The following KIF26B variants were observed in gnomAD, a reference collection of about 807,000 sequenced individuals.
KIF26B encodes kinesin family member 26B.
Under a neutral mutation model 151.2 loss-of-function variants are expected in KIF26B, and 63 were observed. The ratio of observed to expected loss-of-function variants is 0.42; its 90% CI spans 0.34 to 0.51. KIF26B has a LOEUF of 0.51. Among genes scored for constraint, KIF26B ranks in the 20% least tolerant of loss-of-function variants. KIF26B has a pLI of 0.07. For synonymous variants in KIF26B, 1,357 were observed against 1,262.1 expected (o/e 1.08, Z -1.59); for missense variants, 2,813 against 2,913.6 (o/e 0.97, Z 0.79).
rs546913034 is a variant in KIF26B, at chr1:245,465,103, C to T, written c.1166+45358C>T. Among the ~76,000 whole-genome samples, 5 of 144,652 alleles carry T rather than the reference C, an allele frequency of 3.5e-5. No homozygotes were observed. In the South Asian group the frequency reaches 9.1e-4, roughly 26 times the overall value. 94.9% of individuals were successfully genotyped at this position (144,652 alleles called of 152,430 possible). On this transcript the variant is annotated intron_variant, in intron 4 of 14. Transcript: ENST00000407071. ...ACGCCATTCTCCTGCCTCAGCCTCC[C>T]GAGCAGCTGGGACTACAGGCGCCCG...
intron 2 of KIF26B, among the ~76,000 whole-genome samples, chr1:245,213,138 G>A (rs1441987641): frequency 6.6e-6 from 1 of 152,098 alleles, no homozygotes; most frequent in Non-Finnish European, 1.5e-5. Context: ...AACAATTTAG[G>A]TCAATCTTAG....
At chr1:245,339,659 G>A (rs1286825642) in intron 2 of KIF26B, among the ~76,000 whole-genome samples, 1 of 152,154 alleles carries the variant, frequency 6.6e-6, no homozygotes. Flanking sequence ...GTAATTTTTA[G>A]TATAGTCACA....
chr1:245,688,756 G>C lies in KIF26B; in HGVS notation c.5773G>C (p.Val1925Leu). The change falls in exon 12 of 15, where the codon GTG (valine) becomes CTG (leucine). Residue 1925 changes from valine (V) to leucine (L), a missense_variant. Transcript: ENST00000407071. ...CTCCACGAGCGAGAACAGCAGCTCC[G>C]TGGGCGGCAGGTGCCGGAGCCTCAA... ...QDSTSENSSS[V>L]GGRCRSLKTP... The C allele has an allele frequency of 1.2e-6, 2 of 1,600,648 alleles. No individual in the cohort carries two copies. The highest frequency in any genetic ancestry group is 1.7e-6 in the Non-Finnish European group (2 of 1,171,838).
chr1:245,702,402 A>AGTT lies in KIF26B; in HGVS notation c.6179-54_6179-52dup. On this transcript the variant is annotated intron_variant, in intron 14 of 14. Transcript: ENST00000407071. This position sits in a 1 kb window ranked among gnomAD's most constrained non-coding sequence, Gnocchi z 4.1. ...GGCAGCTCCAGGCTGAGCCGTCGGG[A>AGTT]GTTGCTTCTCACCCTGTTTGCTCTG... is the stretch of plus-strand genomic sequence containing the variant. 6.3e-7 allele frequency: 1 copy of AGTT among 1,599,896 alleles called. No individual in the cohort carries two copies. The highest frequency in any genetic ancestry group is 8.6e-7 in the Non-Finnish European group (1 of 1,169,252).
intron 3 of KIF26B, among the ~76,000 whole-genome samples, chr1:245,383,589 G>A (rs767932244): frequency 1.1e-4 from 17 of 152,150 alleles, no homozygotes; most frequent in Non-Finnish European, 2.1e-4. Flanking sequence ...ATTAGGCTAG[G>A]TGGCCCACTC....
chr1:245,617,813 G>C (rs1572161138), intron 9 of KIF26B, among the ~76,000 whole-genome samples: 1 of 152,160 alleles, frequency 6.6e-6, no homozygotes, highest in African/African-American at 2.4e-5. Flanking sequence ...TAGCATCTTA[G>C]TCAATGAGAA....
At chr1:245,276,281 GT>G (rs1670936753) in intron 2 of KIF26B, among the ~76,000 whole-genome samples, 1 of 152,002 alleles carries the variant, frequency 6.6e-6, no homozygotes, top group Non-Finnish European at 1.5e-5. Context: ...GTTGCAGTGA[GT>G]TGAGATTGCA....
In KIF26B at chr1:245,474,230, T is replaced by C. The variant is rs191642483; in HGVS notation, c.1166+54485T>C. ...TTCAAGTCATTCTCCTGCCTCAGCCTCCCGAGTGGCTGGGACTACAGGTGC... is the reference window on the plus strand; with the variant it reads ...TTCAAGTCATTCTCCTGCCTCAGCCCCCCGAGTGGCTGGGACTACAGGTGC... On this transcript the variant is annotated intron_variant, in intron 4 of 14. Coordinates refer to ENST00000407071, the MANE Select transcript of KIF26B (RefSeq NM_018012.4). Among the ~76,000 whole-genome samples the C allele has an allele frequency of 8.6e-3, 1,095 of 126,910 alleles. 20 individuals carry two copies. Among genetic ancestry groups the C allele is most frequent in the African/African-American group, 0.03 (1,059 of 35,228 alleles). 83.3% of individuals were successfully genotyped at this position (126,910 alleles called of 152,430 possible).
chr1:245,699,973 T>G (rs541187803), intron 14 of KIF26B, among the ~76,000 whole-genome samples: 1 of 152,342 alleles, frequency 6.6e-6, no homozygotes, highest in East Asian at 1.9e-4. Flanking sequence ...TGGCAGGACT[T>G]GTCAGCCTCC....
rs2103522110 is a variant in KIF26B at position 245,170,610 on chromosome 1, G to A, written c.465+13927G>A. Among the ~76,000 whole-genome samples, 1 of 152,324 alleles carries A rather than the reference G, an allele frequency of 6.6e-6. No homozygotes were observed. The highest frequency in any genetic ancestry group is 2.1e-4 in the South Asian group (1 of 4,826). On this transcript the variant is annotated intron_variant, in intron 2 of 14. Transcript: ENST00000407071. This position sits in a 1 kb window ranked among gnomAD's most constrained non-coding sequence, Gnocchi z 4.4. ...AGATCAAGGCCCCATCAGATTGAGTGTCTTGTGAGGTCTGCTTTTTGATTC... is the reference window on the plus strand; with the variant it reads ...AGATCAAGGCCCCATCAGATTGAGTATCTTGTGAGGTCTGCTTTTTGATTC...
At chr1:245,547,758 T>C (rs1020337766) in intron 5 of KIF26B, among the ~76,000 whole-genome samples, 2 of 152,152 alleles carry the variant, frequency 1.3e-5, no homozygotes, top group African/African-American at 4.8e-5. Context: ...AGATTTATGA[T>C]AGGATGGCAT....
intron 2 of KIF26B, among the ~76,000 whole-genome samples, chr1:245,303,303 A>C (rs991941635): frequency 4.3e-5 from 6 of 140,250 alleles, no homozygotes; most frequent in Non-Finnish European, 9.0e-5. Flanking sequence ...GGTTCACGCC[A>C]TTCTCCTGCC....
intron 3 of KIF26B, chr1:245,371,609 A>G (rs1673129226): frequency 6.6e-6 from 1 of 152,214 alleles, no homozygotes. Flanking sequence ...GCTTTCCAGC[A>G]GTGAGCCTGG....
intron 3 of KIF26B, among the ~76,000 whole-genome samples, chr1:245,401,382 C>T (rs993769234): frequency 2.0e-5 from 3 of 152,174 alleles, no homozygotes; most frequent in Non-Finnish European, 4.4e-5. Flanking sequence ...ATATTTATTC[C>T]TAGGTGTCTA....
At chr1:245,470,044 G>C (rs939531574) in intron 4 of KIF26B, among the ~76,000 whole-genome samples, 1 of 152,106 alleles carries the variant, frequency 6.6e-6, no homozygotes, top group African/African-American at 2.4e-5. Context: ...GGCCTTGAAA[G>C]AACCGATAGG....
chr1:245,648,335 A>G (rs928296765), intron 10 of KIF26B, among the ~76,000 whole-genome samples: 1 of 152,176 alleles, frequency 6.6e-6, no homozygotes. Context: ...TTTTTTATAA[A>G]TGAGTAGGGA....
chr1:245,444,835 A>G (rs1260247405), intron 4 of KIF26B, among the ~76,000 whole-genome samples: 2 of 152,224 alleles, frequency 1.3e-5, no homozygotes, highest in South Asian at 4.1e-4. Context: ...CCATGCTGTG[A>G]CATGAAGTGC....
chr1:245,384,089 C>T (rs960216735), intron 3 of KIF26B, among the ~76,000 whole-genome samples: 4 of 152,178 alleles, frequency 2.6e-5, no homozygotes, highest in East Asian at 1.9e-4. Context: ...TGAAGTCGCA[C>T]GCTGCTCTTG....
chr1:245,191,379 G>GC (rs1669106483), intron 2 of KIF26B, among the ~76,000 whole-genome samples: 1 of 152,034 alleles, frequency 6.6e-6, no homozygotes, highest in South Asian at 2.1e-4. Flanking sequence ...GGAGGCTGAG[G>GC]CAGGAGAATC....
Sources: gnomAD v4.1 joint callset for allele counts (sites outside exome capture counted in the v4.1 genomes callset) on GRCh38, gnomAD v4.1.1 for gene constraint, Gnocchi (gnomAD v3.1) non-coding constraint, MANE v1.5 for transcripts, NCBI Gene and HGNC (gene_info 2026-07-23, HGNC 2026-07-21) for gene names.